WWP1: variants seen among roughly 807,000 people sequenced by gnomAD.
WWP1 encodes the protein WW domain containing E3 ubiquitin protein ligase 1.
Under a neutral mutation model 130.6 loss-of-function variants are expected in WWP1, and 49 were observed. The observed-to-expected ratio is 0.38, with a 90% CI of 0.30 to 0.48. WWP1 has a LOEUF of 0.48. Ranked by LOEUF, WWP1 falls within the 20% of genes least tolerant of loss-of-function variation. The pLI is 0.99. For missense variants in WWP1, 809 were observed against 1,100.6 expected (o/e 0.74, Z 3.75); for synonymous variants, 332 against 367.8 (o/e 0.90, Z 1.11).
intron 20 of WWP1, among the ~76,000 whole-genome samples, chr8:86,449,266 T>C (rs1485705266): frequency 1.3e-5 from 2 of 152,274 alleles, no homozygotes; most frequent in African/African-American, 4.8e-5. Flanking sequence ...GTTAAAGTTA[T>C]ATCTGAACTT....
At chr8:86,456,683 A>G (rs962300427) in intron 21 of WWP1, among the ~76,000 whole-genome samples, 1 of 151,992 alleles carries the variant, frequency 6.6e-6, no homozygotes, top group African/African-American at 2.4e-5. Context: ...AATGCTAAAA[A>G]TTGAAAGTAA....
intron 1 of WWP1, among the ~76,000 whole-genome samples, chr8:86,351,667 G>A (rs550714430): frequency 9.9e-5 from 15 of 152,194 alleles, no homozygotes; most frequent in East Asian, 1.9e-4. Context: ...GGGTAAGCAC[G>A]AAATCTGGGA....
intron 14 of WWP1, among the ~76,000 whole-genome samples, chr8:86,433,637 T>G (rs1810118099): frequency 6.6e-6 from 1 of 151,906 alleles, no homozygotes; most frequent in African/African-American, 2.4e-5. Flanking sequence ...CTCTAGCAGG[T>G]GCTTGGGTCA....
chr8:86,382,352 G>A (rs1258763613), intron 5 of WWP1, among the ~76,000 whole-genome samples: 1 of 152,126 alleles, frequency 6.6e-6, no homozygotes, highest in African/African-American at 2.4e-5. Context: ...TCTGGGGAGA[G>A]GGTTCATAGC....
chr8:86,423,919 A>G (rs75210038), intron 9 of WWP1, among the ~76,000 whole-genome samples: 5,148 of 115,758 alleles, frequency 0.044, 428 homozygotes, highest in African/African-American at 0.16. Flanking sequence ...CCTCCCTCCC[A>G]GATGGGGCGG....
intron 17 of WWP1, 110 bp from the exon 18 acceptor site, chr8:86,442,509 T>G: frequency 9.6e-7 from 1 of 1,044,046 alleles, no homozygotes; most frequent in East Asian, 2.9e-5. Flanking sequence ...GGCAGTGGAG[T>G]TCTTAAAGAC....
At chr8:86,354,019 G>A (rs984525528) in intron 1 of WWP1, among the ~76,000 whole-genome samples, 2 of 152,124 alleles carry the variant, frequency 1.3e-5, no homozygotes, top group African/African-American at 2.4e-5. Context: ...TTCCATTAAC[G>A]TATTGGCTAT....
At chr8:86,374,746 C>T (rs1278698883) in intron 3 of WWP1, among the ~76,000 whole-genome samples, 1 of 151,848 alleles carries the variant, frequency 6.6e-6, no homozygotes. Flanking sequence ...GTCTCACTTT[C>T]TCTCCCTGGC....
At chr8:86,388,978 T>A (rs998534240) in intron 5 of WWP1, among the ~76,000 whole-genome samples, 8 of 152,190 alleles carry the variant, frequency 5.3e-5, no homozygotes, top group African/African-American at 1.9e-4. Flanking sequence ...GTTCAAAGCT[T>A]CCCATCTTCC....
At position 86,442,601 on chromosome 8, in the gene WWP1, T is replaced by A; in HGVS notation, c.1839-18T>A. On this transcript the variant is annotated intron_variant, in intron 17 of 24. Transcript: ENST00000517970. ...ACATATTAATGCTAAAAAATAACCT[T>A]GACTTATTTTCTTATAGAGAATGGT... The A allele has an allele frequency of 6.4e-7, 1 of 1,574,052 alleles. No homozygotes were observed. Among genetic ancestry groups the A allele is most frequent in the South Asian group, 1.2e-5 (1 of 86,454 alleles).
At chr8:86,361,699 A>G (rs1415041000) in intron 1 of WWP1, among the ~76,000 whole-genome samples, 1 of 152,022 alleles carries the variant, frequency 6.6e-6, no homozygotes, top group African/African-American at 2.4e-5. Flanking sequence ...CAGCTGCTGC[A>G]TTGGAGTCCT....
At chr8:86,393,638 C>T (rs1351484108) in intron 5 of WWP1, among the ~76,000 whole-genome samples, 4 of 152,132 alleles carry the variant, frequency 2.6e-5, no homozygotes, top group Non-Finnish European at 5.9e-5. Context: ...AATGAAAAGA[C>T]TTAGGAATTT....
At chr8:86,461,719 C>T in intron 23 of WWP1, 55 bp from the exon 24 acceptor site, 1 of 1,386,318 alleles carries the variant, frequency 7.2e-7, no homozygotes, top group South Asian at 1.2e-5. Flanking sequence ...AAGCAGTTGT[C>T]AGAAGAAAAA....
rs1337356204 is a variant in WWP1 at position 86,468,399 on chromosome 8, A to G, written c.*1506A>G. ...TAGACTCCTTTTCCAAATCCTTATT[A>G]TGAACACTCTGGTAATTTTCAAGCC... On this transcript the variant is annotated 3_prime_UTR_variant, in exon 25 of 25. Transcript: ENST00000517970. The G allele has an allele frequency of 2.2e-6, 1 of 452,110 alleles. No homozygotes were observed. Among genetic ancestry groups the G allele is most frequent in the Non-Finnish European group, 4.4e-6 (1 of 226,094 alleles). The allele number at this position is 452,110 out of a possible 1,614,324, so 28.0% of individuals were successfully genotyped here.
chr8:86,401,549 T>TAAA (rs11329718), intron 7 of WWP1, among the ~76,000 whole-genome samples: 1 of 143,756 alleles, frequency 7.0e-6, no homozygotes, highest in Non-Finnish European at 1.5e-5. Context: ...ATCCTGTCTC[T>TAAA]AAAAAAAAAA....
chr8:86,374,000 A>ACAG, intron 2 of WWP1, 30 bp from the exon 3 acceptor site: 1 of 1,512,304 alleles, frequency 6.6e-7, no homozygotes, highest in South Asian at 1.2e-5. Flanking sequence ...CTTATCTAAC[A>ACAG]CATGAATAAA....
At chr8:86,398,746 G>A (rs947591533) in intron 7 of WWP1, 108 bp downstream of exon 7, 6 of 1,172,466 alleles carry the variant, frequency 5.1e-6, no homozygotes, top group Non-Finnish European at 6.1e-6. Flanking sequence ...CAGTTTAGAA[G>A]CTTATGTCTA....
intron 17 of WWP1, among the ~76,000 whole-genome samples, chr8:86,441,624 A>AGGT: frequency 6.6e-6 from 1 of 151,926 alleles, no homozygotes; most frequent in Non-Finnish European, 1.5e-5. Context: ...GCTGAATCAG[A>AGGT]GTTGTTTCCC....
At position 86,374,050 on chromosome 8, in the gene WWP1, C is replaced by A. The variant is rs776320522; in HGVS notation, c.-1C>A. On this transcript the variant is annotated 5_prime_UTR_variant, in exon 3 of 25. Coordinates refer to ENST00000517970, the MANE Select transcript of WWP1 (RefSeq NM_007013.4). Reference sequence around the variant, plus strand: ...AATAGGTTTTAGCTGAATTTTGGGACATGGCCACTGCTTCACCAAGGTCTG... The same window carrying A: ...AATAGGTTTTAGCTGAATTTTGGGAAATGGCCACTGCTTCACCAAGGTCTG... The A allele has an allele frequency of 8.1e-6, 13 of 1,604,768 alleles. No homozygotes were observed. The highest frequency in any genetic ancestry group is 1.7e-4 in the Middle Eastern group (1 of 6,036).
Sources: gnomAD v4.1 joint callset for allele counts (sites outside exome capture counted in the v4.1 genomes callset) on GRCh38, gnomAD v4.1.1 for gene constraint, MANE v1.5 for transcripts, NCBI Gene and HGNC (gene_info 2026-07-23, HGNC 2026-07-21) for gene names.